The following TEAD1 variants were observed in gnomAD, a reference collection of about 807,000 sequenced individuals.
The protein encoded by TEAD1 is TEA domain transcription factor 1, also known as transcriptional enhancer factor TEF-1.
TEAD1 carries 9 observed loss-of-function variants against 54.9 expected under a neutral mutation model. That is an observed-to-expected ratio of 0.16 (90% confidence interval 0.10 to 0.29). The LOEUF (loss-of-function observed/expected upper bound fraction) is 0.29, where lower values mean the gene tolerates loss of function less well. Among genes scored for constraint, TEAD1 ranks in the 10% least tolerant of loss-of-function variants. The probability of loss-of-function intolerance (pLI) is 1.00; values close to 1 mark genes in which losing one functional copy is unlikely to be tolerated. For missense variants in TEAD1, 387 were observed against 535.9 expected (o/e 0.72, Z 2.74); for synonymous variants, 200 against 187.8 (o/e 1.07, Z -0.53).
In TEAD1 at chr11:12,800,341, G is replaced by A. The variant is rs141601681; in HGVS notation, c.202+35907G>A. The stretch of plus-strand genomic sequence containing the variant: ...ATAAATTATCCAAAGGATCTGGACT[G>A]CAGTTTAGTTCAGTGTAGCAAGCTT... On this transcript the variant is annotated intron_variant, in intron 3 of 12. Transcript: ENST00000527636. 2.0e-4 allele frequency among the ~76,000 whole-genome samples: 30 copies of A among 152,326 alleles called. 1 individual carries two copies. The East Asian group carries it at 5.6e-3, about 28-fold the overall frequency.
intron 9 of TEAD1, among the ~76,000 whole-genome samples, chr11:12,895,287 A>G (rs755426664): frequency 1.3e-5 from 2 of 152,334 alleles, no homozygotes; most frequent in African/African-American, 4.8e-5. Flanking sequence ...TGCAACTGCT[A>G]TGAAGAATAA....
At chr11:12,681,780 G>A (rs1407793056) in intron 2 of TEAD1, among the ~76,000 whole-genome samples, 1 of 152,238 alleles carries the variant, frequency 6.6e-6, no homozygotes, top group African/African-American at 2.4e-5. Flanking sequence ...CGCTGCCTGC[G>A]TGTTCTCACT....
intron 3 of TEAD1, among the ~76,000 whole-genome samples, chr11:12,841,561 TC>T (rs1449653967): frequency 1.3e-5 from 2 of 152,220 alleles, no homozygotes; most frequent in Admixed American, 1.3e-4. Flanking sequence ...CCCTCCACAT[TC>T]CCCCTCCAGG....
At position 12,938,730 on chromosome 11, in the gene TEAD1, A is replaced by G. The variant is rs751459037; in HGVS notation, c.*1508A>G. ...AAGTATTCCAGAGCATTGCCCAGGC[A>G]GAGTTGGTTTGATGTGGCCAGATGT... On this transcript the variant is annotated 3_prime_UTR_variant, in exon 13 of 13. Coordinates refer to ENST00000527636, the MANE Select transcript of TEAD1 (RefSeq NM_021961.6). The G allele has an allele frequency of 8.5e-5, 13 of 152,386 alleles. No homozygotes were observed. The highest frequency in any genetic ancestry group is 8.5e-4 in the Admixed American group (13 of 15,306). 9.4% of individuals were successfully genotyped at this position (152,386 alleles called of 1,614,324 possible).
chr11:12,788,608 G>A (rs1945732180), intron 3 of TEAD1, among the ~76,000 whole-genome samples: 1 of 152,176 alleles, frequency 6.6e-6, no homozygotes, highest in South Asian at 2.1e-4. Flanking sequence ...TTCCAAATAT[G>A]AAAATGTACT....
Position 12,881,045 on chromosome 11 carries a change from C to T in TEAD1, c.506C>T (p.Ser169Leu). Residue 169 changes from serine to leucine, a missense_variant, in exon 7 of 13, where the codon TCA becomes TTA. Coordinates refer to ENST00000527636, the MANE Select transcript of TEAD1 (RefSeq NM_021961.6). Reference sequence around the variant, plus strand: ...ATTCAAACAGGGCAGCCAGGATCCTCACAAGAGTAAGTCTGAGGAGGGGTG... The same window carrying T: ...ATTCAAACAGGGCAGCCAGGATCCTTACAAGAGTAAGTCTGAGGAGGGGTG... 6.2e-7 allele frequency: 1 copy of T among 1,614,140 alleles called. No homozygotes were observed. Among genetic ancestry groups the T allele is most frequent in the Non-Finnish European group, 8.5e-7 (1 of 1,180,024 alleles).
At chr11:12,709,088 A>G (rs1023504542) in intron 2 of TEAD1, among the ~76,000 whole-genome samples, 3 of 152,206 alleles carry the variant, frequency 2.0e-5, no homozygotes, top group African/African-American at 7.2e-5. Context: ...CTGTAATCCC[A>G]GCACTTTGGG....
intron 10 of TEAD1, among the ~76,000 whole-genome samples, chr11:12,911,758 A>G (rs959939031): frequency 6.6e-6 from 1 of 150,712 alleles, no homozygotes; most frequent in Admixed American, 6.6e-5. Context: ...ACATTTGTAT[A>G]TCTGCCCATT....
chr11:12,883,291 A>G (rs1182928739), intron 9 of TEAD1, among the ~76,000 whole-genome samples, 166 bp downstream of exon 9: 3 of 152,186 alleles, frequency 2.0e-5, no homozygotes, highest in African/African-American at 7.2e-5. Context: ...GTAAAAAGGG[A>G]TTCCTATTGG....
chr11:12,826,576 C>A (rs560643055), intron 3 of TEAD1, among the ~76,000 whole-genome samples: 1 of 152,158 alleles, frequency 6.6e-6, no homozygotes, highest in East Asian at 1.9e-4. Flanking sequence ...TTGAAATCAA[C>A]CTGTTTGGGT....
chr11:12,767,843 G>C (rs1246059330), intron 3 of TEAD1, among the ~76,000 whole-genome samples: 1 of 152,098 alleles, frequency 6.6e-6, no homozygotes, highest in Non-Finnish European at 1.5e-5. Context: ...CTCTGTGCTT[G>C]TCTTTTTCAT....
chr11:12,809,253 G>A (rs1401943868), intron 3 of TEAD1, among the ~76,000 whole-genome samples: 1 of 152,176 alleles, frequency 6.6e-6, no homozygotes, highest in Non-Finnish European at 1.5e-5. Context: ...GACCCCACCA[G>A]ATCCTGTAGG....
intron 5 of TEAD1, among the ~76,000 whole-genome samples, chr11:12,878,278 TA>T (rs1947896880): frequency 1.3e-5 from 2 of 152,226 alleles, no homozygotes; most frequent in Admixed American, 1.3e-4. Flanking sequence ...TTTGATTTTT[TA>T]AAAACTCCTT....
chr11:12,913,442 A>G (rs1394279424), intron 10 of TEAD1, among the ~76,000 whole-genome samples: 3 of 152,236 alleles, frequency 2.0e-5, no homozygotes, highest in African/African-American at 7.2e-5. Flanking sequence ...ATCTACAACC[A>G]TTATACGTAT....
chr11:12,776,453 C>T (rs1945420908), intron 3 of TEAD1, among the ~76,000 whole-genome samples: 1 of 151,980 alleles, frequency 6.6e-6, no homozygotes, highest in African/African-American at 2.4e-5. Context: ...TTTTGATGGC[C>T]ATGTTATCCT....
At position 12,883,233 on chromosome 11, in the gene TEAD1, A is replaced by G. The variant is rs530420432; in HGVS notation, c.699+108A>G. 12 of 1,550,960 alleles carry G rather than the reference A, an allele frequency of 7.7e-6. No homozygotes were observed. In the African/African-American group the frequency reaches 1.2e-4, roughly 16 times the overall value. On this transcript the variant is annotated intron_variant, in intron 9 of 12. Transcript: ENST00000527636. ...CCTTTACCCCGCCCCATGCCTGACA[A>G]ATATCCTGTGTGAAAACGGGCCTAG...
chr11:12,698,294 T>G (rs1943629567), intron 2 of TEAD1, among the ~76,000 whole-genome samples: 1 of 151,888 alleles, frequency 6.6e-6, no homozygotes, highest in Non-Finnish European at 1.5e-5. Flanking sequence ...TGCTGCGCTC[T>G]CTCTTTTTTG....
intron 3 of TEAD1, among the ~76,000 whole-genome samples, chr11:12,860,945 A>G (rs1026645915): frequency 6.6e-5 from 10 of 152,200 alleles, no homozygotes; most frequent in Admixed American, 2.0e-4. Flanking sequence ...ATCTAGCACA[A>G]TGGTCTCAGG....
At chr11:12,801,907 A>G (rs1021535574) in intron 3 of TEAD1, among the ~76,000 whole-genome samples, 2 of 152,232 alleles carry the variant, frequency 1.3e-5, no homozygotes, top group African/African-American at 4.8e-5. Flanking sequence ...GGCAGAATGT[A>G]TCACACAATA....
Sources: allele counts gnomAD v4.1 joint callset (sites outside exome capture counted in the v4.1 genomes callset), GRCh38; gene constraint gnomAD v4.1.1; transcripts MANE v1.5; gene names NCBI Gene and HGNC (gene_info 2026-07-23, HGNC 2026-07-21).